The following MPP7 variants were observed in gnomAD, a reference collection of about 807,000 sequenced individuals.
MPP7 encodes the protein MAGUK p55 scaffold protein 7.
In MPP7, 60 loss-of-function variants were observed where a neutral mutation model predicts 76.5. The observed-to-expected ratio is 0.78, with a 90% CI of 0.64 to 0.97. The LOEUF (loss-of-function observed/expected upper bound fraction) is 0.97. Among genes scored for constraint, MPP7 ranks in the 50% least tolerant of loss-of-function variants. The pLI, the probability that MPP7 is intolerant of heterozygous loss-of-function variation, is 0.00. For missense variants in MPP7, 641 were observed against 694.0 expected (o/e 0.92, Z 0.86); for synonymous variants, 237 against 244.5 (o/e 0.97, Z 0.29).
chr10:28,067,759 T>A (rs983358080), intron 13 of MPP7, among the ~76,000 whole-genome samples: 2 of 152,186 alleles, frequency 1.3e-5, no homozygotes, highest in African/African-American at 2.4e-5. Flanking sequence ...ATATTTCTCA[T>A]CTTCAAAAGA....
intron 2 of MPP7, among the ~76,000 whole-genome samples, chr10:28,328,984 A>G (rs942762861): frequency 1.3e-5 from 2 of 152,308 alleles, no homozygotes; most frequent in African/African-American, 2.4e-5. Flanking sequence ...ATTGTGCTAC[A>G]TAGTAAAATG....
intron 1 of MPP7, among the ~76,000 whole-genome samples, chr10:28,292,422 A>G (rs1414560986): frequency 6.6e-6 from 1 of 151,898 alleles, no homozygotes; most frequent in Non-Finnish European, 1.5e-5. Flanking sequence ...AGGGTCTCTT[A>G]CTGTAACAAA....
intron 1 of MPP7, among the ~76,000 whole-genome samples, chr10:28,284,708 T>C (rs1446301565): frequency 2.0e-5 from 3 of 152,244 alleles, no homozygotes; most frequent in East Asian, 1.9e-4. Context: ...ACCCATGGAA[T>C]GATTGTAACA....
At chr10:28,274,455 T>C (rs1180467533) in intron 1 of MPP7, among the ~76,000 whole-genome samples, 1 of 152,120 alleles carries the variant, frequency 6.6e-6, no homozygotes, top group Non-Finnish European at 1.5e-5. Flanking sequence ...ACTCTGCCCA[T>C]ATTCTTCAAC....
At chr10:28,200,506 A>G (rs2133979443) in intron 3 of MPP7, among the ~76,000 whole-genome samples, 1 of 152,324 alleles carries the variant, frequency 6.6e-6, no homozygotes, top group African/African-American at 2.4e-5. Context: ...TAGTATTGAC[A>G]TATACTTTGA....
intron 12 of MPP7, among the ~76,000 whole-genome samples, chr10:28,072,371 A>G (rs1161534378): frequency 1.3e-5 from 2 of 151,808 alleles, no homozygotes; most frequent in Non-Finnish European, 2.9e-5. Flanking sequence ...AGGCTGCATC[A>G]TCTCCTCAGT....
Position 28,286,263 on chromosome 10 carries a change from G to A in MPP7, c.-132+16598C>T, listed in dbSNP as rs544222508. 1.6e-4 allele frequency among the ~76,000 whole-genome samples: 24 copies of A among 151,894 alleles called. No homozygotes were observed. The East Asian group carries it at 4.3e-3, about 27-fold the overall frequency. On this transcript the variant is annotated intron_variant, in intron 1 of 16. Transcript: ENST00000683449. ...CAGGAGGCTGAGGCAGGAGAATGGCGTGAACCCGGGAGGCAGAGCTTGCAG... is the reference window on the plus strand; with the variant it reads ...CAGGAGGCTGAGGCAGGAGAATGGCATGAACCCGGGAGGCAGAGCTTGCAG...
At chr10:28,320,882 A>G (rs1274510540) in intron 2 of MPP7, among the ~76,000 whole-genome samples, 2 of 151,566 alleles carry the variant, frequency 1.3e-5, no homozygotes, top group African/African-American at 2.4e-5. Context: ...CAGCACTGGT[A>G]ATAGCCCCTG....
At chr10:28,297,232 G>A (rs1316412069) in intron 1 of MPP7, among the ~76,000 whole-genome samples, 1 of 152,144 alleles carries the variant, frequency 6.6e-6, no homozygotes, top group Non-Finnish European at 1.5e-5. Flanking sequence ...AATAGCATTA[G>A]CTCTTAATTT....
intron 11 of MPP7, among the ~76,000 whole-genome samples, chr10:28,091,642 A>G (rs1353855255): frequency 6.6e-6 from 1 of 152,196 alleles, no homozygotes; most frequent in African/African-American, 2.4e-5. Flanking sequence ...AAAAAATGTA[A>G]TAACTAATCT....
intron 2 of MPP7, among the ~76,000 whole-genome samples, chr10:28,310,459 G>A (rs534551445): frequency 2.6e-5 from 4 of 152,092 alleles, no homozygotes; most frequent in South Asian, 4.2e-4. Flanking sequence ...ACACGAACTC[G>A]TTGCCACCAT....
intron 3 of MPP7, among the ~76,000 whole-genome samples, chr10:28,167,073 G>A (rs1836489280): frequency 6.6e-6 from 1 of 152,074 alleles, no homozygotes; most frequent in African/African-American, 2.4e-5. Context: ...CACTTTAGGA[G>A]GCCAAGGAGG....
intron 1 of MPP7, among the ~76,000 whole-genome samples, chr10:28,333,330 G>A (rs1355681660): frequency 2.0e-5 from 3 of 152,056 alleles, no homozygotes; most frequent in Non-Finnish European, 2.9e-5. Context: ...ATTTTTAGTA[G>A]AGACAGGGTT....
intron 1 of MPP7, among the ~76,000 whole-genome samples, chr10:28,265,125 A>C (rs566957513): frequency 1.3e-5 from 2 of 152,266 alleles, no homozygotes; most frequent in African/African-American, 4.8e-5. Flanking sequence ...TTCCCATCAG[A>C]GGTATTGCTT....
chr10:28,253,804 T>C (rs1281098768), intron 1 of MPP7, among the ~76,000 whole-genome samples: 1 of 151,874 alleles, frequency 6.6e-6, no homozygotes, highest in East Asian at 1.9e-4. Context: ...AAGACCAGCC[T>C]GGTCAACATG....
intron 3 of MPP7, among the ~76,000 whole-genome samples, chr10:28,193,271 GGC>G (rs1837470500): frequency 6.7e-6 from 1 of 150,344 alleles, no homozygotes; most frequent in Non-Finnish European, 1.5e-5. Flanking sequence ...GGAGTGCAGT[GGC>G]ACGATCCCAG....
upstream of MPP7, among the ~76,000 whole-genome samples, chr10:28,303,121 A>C (rs1394290276): frequency 4.6e-5 from 7 of 152,196 alleles, no homozygotes; most frequent in East Asian, 3.9e-4. Flanking sequence ...GCGGGGCTGC[A>C]CCGCCCGCGG....
At chr10:28,180,664 G>A (rs1438205622) in intron 3 of MPP7, among the ~76,000 whole-genome samples, 7 of 152,096 alleles carry the variant, frequency 4.6e-5, no homozygotes, top group Non-Finnish European at 1.0e-4. Context: ...ATATAACAAC[G>A]AAAGTTTATA....
intron 3 of MPP7, among the ~76,000 whole-genome samples, chr10:28,179,521 A>G (rs982758118): frequency 6.6e-6 from 1 of 152,224 alleles, no homozygotes; most frequent in Non-Finnish European, 1.5e-5. Context: ...TCATACATTA[A>G]TAATAATAAA....
Sources: allele counts gnomAD v4.1 joint callset (sites outside exome capture counted in the v4.1 genomes callset), GRCh38; gene constraint gnomAD v4.1.1; transcripts MANE v1.5; gene names NCBI Gene and HGNC (gene_info 2026-07-23, HGNC 2026-07-21).